ESRP1: variants seen among roughly 807,000 people sequenced by gnomAD.
ESRP1 encodes the protein RNA-binding motif protein 35A.
In ESRP1, 33 loss-of-function variants were observed where a neutral mutation model predicts 81.7. The ratio of observed to expected loss-of-function variants is 0.40; its 90% CI spans 0.31 to 0.54. The LOEUF is 0.54. Among genes scored for constraint, ESRP1 ranks in the 20% least tolerant of loss-of-function variants. The probability of loss-of-function intolerance (pLI) is 0.41; values close to 1 mark genes in which losing one functional copy is unlikely to be tolerated. For synonymous variants in ESRP1, 320 were observed against 303.3 expected, an observed-to-expected ratio of 1.06 and a Z score of -0.57; for missense variants, 672 against 833.1, an observed-to-expected ratio of 0.81 and a Z score of 2.38.
At chr8:94,700,590 A>T (rs1809783304) in intron 15 of ESRP1, among the ~76,000 whole-genome samples, 1 of 152,210 alleles carries the variant, frequency 6.6e-6, no homozygotes, top group South Asian at 2.1e-4. Flanking sequence ...TATGCCACCC[A>T]ATTTATGGTA....
intron 4 of ESRP1, among the ~76,000 whole-genome samples, chr8:94,659,242 G>A (rs949453415): frequency 1.6e-4 from 25 of 152,316 alleles, no homozygotes; most frequent in Middle Eastern, 3.4e-3. Context: ...CATTCAGCAA[G>A]TCTATTGACA....
At chr8:94,676,973 C>T (rs1035858193) in intron 12 of ESRP1, among the ~76,000 whole-genome samples, 1 of 151,834 alleles carries the variant, frequency 6.6e-6, no homozygotes, top group Non-Finnish European at 1.5e-5. Flanking sequence ...ACCAACATGG[C>T]GAAACCCTGT....
At chr8:94,695,787 G>A (rs1208135865) in intron 14 of ESRP1, among the ~76,000 whole-genome samples, 2 of 146,772 alleles carry the variant, frequency 1.4e-5, no homozygotes, top group Non-Finnish European at 2.9e-5. Context: ...TCTAGGCCAG[G>A]CACAGTGGTT....
chr8:94,676,074 A>T (rs1384243366), intron 12 of ESRP1, among the ~76,000 whole-genome samples: 2 of 152,222 alleles, frequency 1.3e-5, no homozygotes, highest in Non-Finnish European at 2.9e-5. Flanking sequence ...CTTTAGATAT[A>T]TAAGATTAGC....
intron 13 of ESRP1, among the ~76,000 whole-genome samples, chr8:94,690,333 AT>A (rs2130709509): frequency 9.1e-6 from 1 of 109,588 alleles, no homozygotes; most frequent in East Asian, 2.8e-4. Flanking sequence ...GGATTTCACC[AT>A]GTTGGCTAGG....
chr8:94,641,442 A>G lies in ESRP1; in HGVS notation c.124A>G (p.Asn42Asp). ...LLFWKVVDLA[N>D]KKVGQLHEVL... ...GTTCTGGAAAGTCGTGGATCTGGCC[A>G]ACAAGAAGGTATTTCTCCACATTTT... is the stretch of plus-strand genomic sequence containing the variant. Residue 42 changes from asparagine to aspartate, a missense_variant, in exon 1 of 16, where the codon AAC becomes GAC. Physicochemically the swap from Asn to Asp is conservative, Grantham distance 23. Transcript: ENST00000433389. The G allele has an allele frequency of 6.2e-7, 1 of 1,613,876 alleles. No homozygotes were observed.
Position 94,690,276 on chromosome 8 carries a change from ATTTTTTTTTTTTTTT to A in ESRP1, c.1821-2387_1821-2373del, listed in dbSNP as rs373440584. ...AGGCATGAGCTACAATGCCTGGCTA[ATTTTTTTTTTTTTTT>A]TTTTTTTTTTTTTGGATTTTTAGTG... On this transcript the variant is annotated intron_variant, in intron 13 of 15. Coordinates refer to ENST00000433389, the MANE Select transcript of ESRP1 (RefSeq NM_017697.4). Among the ~76,000 whole-genome samples, 18 of 61,370 alleles carry A rather than the reference ATTTTTTTTTTTTTTT, an allele frequency of 2.9e-4. 1 individual carries two copies. The South Asian group carries it at 0.011, about 39-fold the overall frequency. The allele number at this position is 61,370 out of a possible 152,430, so 40.3% of individuals were successfully genotyped here. A position where few individuals can be genotyped will look rare whatever the true frequency, so the allele number is the denominator to read the frequency against.
rs930288824 is a variant in ESRP1 at position 94,668,130 on chromosome 8, G to C, written c.1113G>C (p.Gly371=). ...FVTYPDGRPT[G]DAFVLFACEE... ...CCTACCCAGATGGTAGGCCAACAGG[G>C]GACGCTTTTGTCCTCTTTGCCTGTG... is the stretch of plus-strand genomic sequence containing the variant. The change falls in exon 10 of 16, where the codon GGG becomes GGC. Residue 371 remains glycine, a synonymous_variant. Coordinates refer to ENST00000433389, the MANE Select transcript of ESRP1 (RefSeq NM_017697.4). 5 of 1,613,870 alleles carry C rather than the reference G, an allele frequency of 3.1e-6. No homozygotes were observed. The highest frequency in any genetic ancestry group is 4.2e-6 in the Non-Finnish European group (5 of 1,179,906).
Position 94,699,608 on chromosome 8 carries a change from C to A in ESRP1, c.*35+2647C>A, listed in dbSNP as rs983818404. Among the ~76,000 whole-genome samples the A allele has an allele frequency of 2.3e-4, 35 of 152,048 alleles. 1 individual carries two copies. Among genetic ancestry groups the A allele is most frequent in the African/African-American group, 2.4e-5 (1 of 41,402 alleles). On this transcript the variant is annotated intron_variant, in intron 15 of 15. Transcript: ENST00000433389. ...TGAGCCATGATTGTACCACTGCAGT[C>A]CAGCCTGGGTGACAAAGAGCAAGAC...
Position 94,664,939 on chromosome 8 carries a change from A to G in ESRP1, c.768A>G (p.Ala256=). 6.2e-7 allele frequency: 1 copy of G among 1,612,860 alleles called. No homozygotes were observed. The highest frequency in any genetic ancestry group is 1.1e-5 in the South Asian group (1 of 91,020). The change falls in exon 8 of 16, where the codon GCA becomes GCG. Residue 256 remains alanine (A), a synonymous_variant. Transcript: ENST00000433389. The part of the protein sequence containing the change: ...KGLNIAKGGA[A]LCLNAQGRRN... ...ATTATTCTCAAAGGGGAGGTGCAGC[A>G]CTTTGTCTGAATGCTCAGGGTCGAA...
At chr8:94,643,751 A>ACT (rs3045884) in intron 3 of ESRP1, among the ~76,000 whole-genome samples, 145,677 of 152,248 alleles carry the variant, frequency 0.96, 70,033 homozygotes, top group East Asian at 1. Context: ...GATGCATGAC[A>ACT]CTTCCCTTTT....
At chr8:94,681,338 A>C (rs1031208866) in intron 13 of ESRP1, among the ~76,000 whole-genome samples, 5 of 142,330 alleles carry the variant, frequency 3.5e-5, no homozygotes, top group Non-Finnish European at 7.6e-5. Flanking sequence ...AAAAAAAAAA[A>C]AAAAAAAAAA....
intron 4 of ESRP1, among the ~76,000 whole-genome samples, chr8:94,654,573 C>A (rs1818306346): frequency 1.3e-5 from 2 of 152,068 alleles, no homozygotes; most frequent in South Asian, 2.1e-4. Context: ...CTCTTCAGTA[C>A]AATAATATCT....
At chr8:94,675,300 G>C (rs965844988) in intron 12 of ESRP1, among the ~76,000 whole-genome samples, 1 of 152,194 alleles carries the variant, frequency 6.6e-6, no homozygotes, top group African/African-American at 2.4e-5. Context: ...AAAGAATATA[G>C]TATTTGCAGT....
intron 13 of ESRP1, among the ~76,000 whole-genome samples, chr8:94,682,078 T>A (rs1404163357): frequency 6.6e-6 from 1 of 152,246 alleles, no homozygotes; most frequent in Non-Finnish European, 1.5e-5. Flanking sequence ...AGTTTTCCAG[T>A]GACTCATACC....
intron 15 of ESRP1, among the ~76,000 whole-genome samples, chr8:94,697,814 C>T (rs1010636112): frequency 6.6e-6 from 1 of 152,062 alleles, no homozygotes; most frequent in Admixed American, 6.6e-5. Context: ...CAGAGTCTTA[C>T]ACTGTTGCCC....
At position 94,656,443 on chromosome 8, in the gene ESRP1, G is replaced by T. The variant is rs961077699; in HGVS notation, c.491-5829G>T. On this transcript the variant is annotated intron_variant, in intron 4 of 15. Transcript: ENST00000433389. ...TCACCATGTTAGCCAGGATGGTCTC[G>T]ATCTCCTGACCTTGTGATCCGCCCA... Among the ~76,000 whole-genome samples the T allele has an allele frequency of 2.6e-5, 4 of 151,248 alleles. No individual in the cohort carries two copies. The South Asian group carries it at 6.3e-4, about 24-fold the overall frequency.
At chr8:94,685,357 A>C (rs1809095700) in intron 13 of ESRP1, among the ~76,000 whole-genome samples, 1 of 152,186 alleles carries the variant, frequency 6.6e-6, no homozygotes, top group Non-Finnish European at 1.5e-5. Context: ...AAAATATAGC[A>C]TAGGGAGAAA....
intron 3 of ESRP1, among the ~76,000 whole-genome samples, chr8:94,644,305 G>A (rs1817743941): frequency 6.6e-6 from 1 of 152,100 alleles, no homozygotes; most frequent in Non-Finnish European, 1.5e-5. Flanking sequence ...AAAGATGGAA[G>A]TAGAATATAT....
Sources: allele counts gnomAD v4.1 joint callset (sites outside exome capture counted in the v4.1 genomes callset), GRCh38; gene constraint gnomAD v4.1.1; transcripts MANE v1.5; gene names NCBI Gene and HGNC (gene_info 2026-07-23, HGNC 2026-07-21).